The following COL19A1 variants were observed in gnomAD, a reference collection of about 807,000 sequenced individuals.
COL19A1 encodes collagen type XIX alpha 1 chain.
Under a neutral mutation model 190.2 loss-of-function variants are expected in COL19A1, and 159 were observed. That is an observed-to-expected ratio of 0.84 (90% confidence interval 0.73 to 0.95). The LOEUF (loss-of-function observed/expected upper bound fraction) is 0.95, where lower values mean the gene tolerates loss of function less well. Ranked by LOEUF, COL19A1 falls within the 40% of genes least tolerant of loss-of-function variation. The probability of loss-of-function intolerance (pLI) is 0.00; values close to 1 mark genes in which losing one functional copy is unlikely to be tolerated. For missense variants in COL19A1, 1,418 were observed against 1,431.9 expected (o/e 0.99, Z 0.16); for synonymous variants, 509 against 458.9 (o/e 1.11, Z -1.39).
In COL19A1 at chr6:70,212,367, A is replaced by G. The variant is rs1245808520; in HGVS notation, c.*5093A>G. Among the ~76,000 whole-genome samples the G allele has an allele frequency of 6.6e-6, 1 of 152,228 alleles. No homozygotes were observed. Among genetic ancestry groups the G allele is most frequent in the Non-Finnish European group, 1.5e-5 (1 of 68,038 alleles). ...GCATTAGTTTTATTCAAAATCCCAC[A>G]TGGGCATAATGCTTTGAGGCCTTGA... On this transcript the variant is annotated 3_prime_UTR_variant, in exon 51 of 51. Transcript: ENST00000620364.
intron 15 of COL19A1, among the ~76,000 whole-genome samples, chr6:70,068,924 A>G (rs1350272127): frequency 6.6e-6 from 1 of 152,096 alleles, no homozygotes; most frequent in Non-Finnish European, 1.5e-5. Flanking sequence ...ACAAAATAGT[A>G]AGCAAATAAA....
chr6:70,184,602 T>G, intron 44 of COL19A1, 101 bp from the exon 45 acceptor site: 1 of 911,192 alleles, frequency 1.1e-6, no homozygotes, highest in Non-Finnish European at 1.7e-6. Context: ...AAGCTCTCAG[T>G]AGAAATATGA....
rs1400519761 is a variant in COL19A1, at chr6:69,938,115, A to G, written c.936+15A>G. The G allele has an allele frequency of 6.2e-7, 1 of 1,609,744 alleles. No individual in the cohort carries two copies. The highest frequency in any genetic ancestry group is 8.5e-7 in the Non-Finnish European group (1 of 1,177,884). ...AAGGAGAGCCGGTAAGAAAAAAACA[A>G]ATACTGATGGAGAAAACAGGGTTTT... On this transcript the variant is annotated intron_variant, in intron 9 of 50. Transcript: ENST00000620364.
intron 14 of COL19A1, among the ~76,000 whole-genome samples, chr6:70,041,960 C>T (rs1771312930): frequency 6.6e-6 from 1 of 151,992 alleles, no homozygotes; most frequent in Non-Finnish European, 1.5e-5. Flanking sequence ...CCCAGCTACT[C>T]AGGGAGGCTA....
Position 69,952,184 on chromosome 6 carries a change from A to G in COL19A1, c.937-7812A>G, listed in dbSNP as rs183367079. 1.8e-3 allele frequency among the ~76,000 whole-genome samples: 267 copies of G among 151,972 alleles called. 6 individuals carry two copies. The highest frequency in any genetic ancestry group is 0.015 in the Admixed American group (223 of 15,218). ...TCATTATGCATATGGTTTTTCACCA[A>G]ATGAGAGGGTTTTGTCTAGCTTTAC... On this transcript the variant is annotated intron_variant, in intron 9 of 50. Coordinates refer to ENST00000620364, the MANE Select transcript of COL19A1 (RefSeq NM_001858.6).
intron 49 of COL19A1, among the ~76,000 whole-genome samples, chr6:70,202,524 ATGGT>A (rs1271100827): frequency 6.6e-6 from 1 of 152,314 alleles, no homozygotes; most frequent in East Asian, 1.9e-4. Context: ...TTAAAATTAA[ATGGT>A]TGGTTTGAAA....
intron 4 of COL19A1, among the ~76,000 whole-genome samples, chr6:69,918,813 G>A (rs1038062210): frequency 6.6e-5 from 10 of 152,316 alleles, no homozygotes; most frequent in Middle Eastern, 6.8e-3. Flanking sequence ...ATAACTTGCA[G>A]GGATTTGGGT....
At chr6:69,993,500 C>T (rs930958739) in intron 11 of COL19A1, among the ~76,000 whole-genome samples, 23 of 151,920 alleles carry the variant, frequency 1.5e-4, no homozygotes, top group African/African-American at 5.1e-4. Flanking sequence ...GTCCCTCCAC[C>T]TTAGTTTTTT....
At chr6:70,192,925 C>A (rs1038852889) in intron 48 of COL19A1, among the ~76,000 whole-genome samples, 1 of 152,190 alleles carries the variant, frequency 6.6e-6, no homozygotes, top group South Asian at 2.1e-4. Flanking sequence ...TTTCCTTTAA[C>A]TCTTAATCCC....
At chr6:69,892,123 C>T (rs1258440731) in intron 2 of COL19A1, among the ~76,000 whole-genome samples, 1 of 152,186 alleles carries the variant, frequency 6.6e-6, no homozygotes, top group Non-Finnish European at 1.5e-5. Context: ...TGGTACTTGG[C>T]TTTGGTTAGC....
rs1409410457 is a variant in COL19A1 at position 70,145,016 on chromosome 6, T to A, written c.1770+9T>A. 7 of 1,548,138 alleles carry A rather than the reference T, an allele frequency of 4.5e-6. No homozygotes were observed. The highest frequency in any genetic ancestry group is 2.4e-5 in the South Asian group (2 of 85,100). ...GCCTGCCAGGGGAACCAGTAAGTAT[T>A]AGCCCTTTTGTTAATATTTTTCTTG... On this transcript the variant is annotated intron_variant, in intron 25 of 50. Coordinates refer to ENST00000620364, the MANE Select transcript of COL19A1 (RefSeq NM_001858.6).
intron 11 of COL19A1, among the ~76,000 whole-genome samples, chr6:70,002,586 G>A (rs1777329383): frequency 6.7e-6 from 1 of 149,768 alleles, no homozygotes; most frequent in Admixed American, 6.6e-5. Flanking sequence ...GTCTTGAAAG[G>A]GTGTTTTTTA....
chr6:69,957,408 G>C (rs1774487151), intron 9 of COL19A1, among the ~76,000 whole-genome samples: 1 of 152,058 alleles, frequency 6.6e-6, no homozygotes, highest in South Asian at 2.1e-4. Flanking sequence ...CATGCTATGT[G>C]TTATAGTAAT....
At chr6:70,161,350 T>G (rs1787789726) in intron 34 of COL19A1, among the ~76,000 whole-genome samples, 1 of 152,202 alleles carries the variant, frequency 6.6e-6, no homozygotes, top group African/African-American at 2.4e-5. Flanking sequence ...TACGAGATTC[T>G]TAGATACTAC....
At chr6:69,912,365 C>A (rs937690101) in intron 4 of COL19A1, among the ~76,000 whole-genome samples, 4 of 152,176 alleles carry the variant, frequency 2.6e-5, no homozygotes, top group African/African-American at 7.2e-5. Flanking sequence ...ATTGATATTA[C>A]TTCTACTTTC....
chr6:70,144,904 C>T lies in COL19A1; in HGVS notation c.1681-14C>T. 6.6e-7 allele frequency: 1 copy of T among 1,509,190 alleles called. No individual in the cohort carries two copies. The highest frequency in any genetic ancestry group is 9.1e-7 in the Non-Finnish European group (1 of 1,104,446). The allele number at this position is 1,509,190 out of a possible 1,614,324, so 93.5% of individuals were successfully genotyped here. On this transcript the variant is annotated splice_polypyrimidine_tract_variant and intron_variant, in intron 24 of 50. Transcript: ENST00000620364. ...CTGAGCATCAAAGTAAGAATCTTACCTTGTTTTCTACAGGGAGATCCGGGT... is the reference window on the plus strand; with the variant it reads ...CTGAGCATCAAAGTAAGAATCTTACTTTGTTTTCTACAGGGAGATCCGGGT...
At chr6:70,148,086 C>T (rs748705110) in intron 27 of COL19A1, among the ~76,000 whole-genome samples, 22 of 152,164 alleles carry the variant, frequency 1.4e-4, no homozygotes, top group Admixed American at 6.5e-4. Context: ...TGGGTGTTTT[C>T]GCCAGCCTGG....
At chr6:69,963,877 C>A (rs1043275767) in intron 11 of COL19A1, among the ~76,000 whole-genome samples, 4 of 152,208 alleles carry the variant, frequency 2.6e-5, no homozygotes, top group African/African-American at 9.6e-5. Flanking sequence ...TACAAATTTA[C>A]AACTTTCTAT....
At chr6:70,024,401 A>G (rs61350693) in intron 12 of COL19A1, among the ~76,000 whole-genome samples, 3,333 of 152,274 alleles carry the variant, frequency 0.022, 98 homozygotes, top group African/African-American at 0.067. Context: ...TCTCACTTAC[A>G]TAAATATGTT....
Sources: gnomAD v4.1 joint callset for allele counts (sites outside exome capture counted in the v4.1 genomes callset) on GRCh38, gnomAD v4.1.1 for gene constraint, MANE v1.5 for transcripts, NCBI Gene and HGNC (gene_info 2026-07-23, HGNC 2026-07-21) for gene names.